CATSPER3: variants seen among roughly 807,000 people sequenced by gnomAD.
CATSPER3 encodes the protein cation channel sperm associated 3.
Under a neutral mutation model 36.6 loss-of-function variants are expected in CATSPER3, and 23 were observed. The observed-to-expected ratio is 0.63, with a 90% CI of 0.45 to 0.89. The LOEUF (loss-of-function observed/expected upper bound fraction) is 0.89. Among genes scored for constraint, CATSPER3 ranks in the 40% least tolerant of loss-of-function variants. The probability of loss-of-function intolerance (pLI) is 0.00; values close to 1 mark genes in which losing one functional copy is unlikely to be tolerated. For synonymous variants in CATSPER3, 172 were observed against 184.1 expected (o/e 0.93, Z 0.53); for missense variants, 474 against 503.9 (o/e 0.94, Z 0.57).
rs768508552 is a variant in CATSPER3 at position 135,011,533 on chromosome 5, G to A, written c.1107G>A (p.Leu369=). 6 of 1,613,580 alleles carry A rather than the reference G, an allele frequency of 3.7e-6. No homozygotes were observed. In the Admixed American group the frequency reaches 8.3e-5, roughly 22 times the overall value. ...CTCCATTTTTCAGGCTTCAAGAGCT[G>A]TACTATGAGATCGTGCATGTGCTGA... ...QDTTVHKLQE[L]YYEIVHVLSL... is the part of the protein sequence containing the mutation. Residue 369 remains leucine (L), a synonymous_variant, in exon 8 of 8, where the codon CTG becomes CTA. Coordinates refer to ENST00000282611, the MANE Select transcript of CATSPER3 (RefSeq NM_178019.3).
intron 3 of CATSPER3, among the ~76,000 whole-genome samples, chr5:134,997,216 G>A (rs972290732): frequency 1.3e-5 from 2 of 152,202 alleles, no homozygotes; most frequent in African/African-American, 2.4e-5. Context: ...CTGTCCTGCC[G>A]GAGGCTGCCC....
intron 3 of CATSPER3, among the ~76,000 whole-genome samples, chr5:135,001,269 C>G (rs868749899): frequency 6.6e-6 from 1 of 152,170 alleles, no homozygotes; most frequent in Non-Finnish European, 1.5e-5. Context: ...GTTTCTTAAT[C>G]CTGAGTTCTA....
At chr5:135,008,385 G>T (rs1752118532) in intron 4 of CATSPER3, among the ~76,000 whole-genome samples, 2 of 152,150 alleles carry the variant, frequency 1.3e-5, no homozygotes, top group Non-Finnish European at 1.5e-5. Context: ...ATCAAACTTT[G>T]CAGAGTCCTC....
At chr5:134,985,265 T>A (rs1166546664) in intron 2 of CATSPER3, among the ~76,000 whole-genome samples, 5 of 152,172 alleles carry the variant, frequency 3.3e-5, no homozygotes. Flanking sequence ...AACAAAAGAA[T>A]GTCTTTTGCA....
At chr5:134,990,606 T>TCTA (rs1751866984) in intron 2 of CATSPER3, among the ~76,000 whole-genome samples, 1 of 152,092 alleles carries the variant, frequency 6.6e-6, no homozygotes, top group Non-Finnish European at 1.5e-5. Context: ...TCATAACAGA[T>TCTA]ATAATAATAA....
Position 134,968,081 on chromosome 5 carries a change from G to T in CATSPER3, c.90G>T (p.Lys30Asn). Residue 30 changes from lysine to asparagine, a missense_variant, in exon 1 of 8, where the codon AAG (lysine) becomes AAT (asparagine). Physicochemically the swap from Lys to Asn is moderately conservative, Grantham distance 94. Coordinates refer to ENST00000282611, the MANE Select transcript of CATSPER3 (RefSeq NM_178019.3). ...TTSVGFCPTF[K>N]KFKRNDDECR... is the part of the protein sequence containing the mutation. ...CGGTGGGATTTTGCCCAACATTCAA[G>T]AAATTTAAGTAAATATTATCTATCT... The T allele has an allele frequency of 2.5e-6, 4 of 1,604,862 alleles. No homozygotes were observed. In the East Asian group the frequency reaches 6.7e-5, roughly 27 times the overall value.
At chr5:134,994,167 G>A (rs541092559) in intron 2 of CATSPER3, among the ~76,000 whole-genome samples, 9 of 152,218 alleles carry the variant, frequency 5.9e-5, no homozygotes, top group South Asian at 2.1e-4. Flanking sequence ...GTGATAAGTC[G>A]GTGTGGGAGA....
chr5:134,968,095 T>G lies in CATSPER3; in HGVS notation c.98+6T>G. ...CCAACATTCAAGAAATTTAAGTAAA[T>G]ATTATCTATCTCCATTGCCTGTTAA... On this transcript the variant is annotated splice_donor_region_variant and intron_variant, in intron 1 of 7. Coordinates refer to ENST00000282611, the MANE Select transcript of CATSPER3 (RefSeq NM_178019.3). 1 of 1,578,874 alleles carries G rather than the reference T, an allele frequency of 6.3e-7. No individual in the cohort carries two copies.
At position 134,981,213 on chromosome 5, in the gene CATSPER3, G is replaced by A. The variant is rs538799354; in HGVS notation, c.252+11121G>A. Among the ~76,000 whole-genome samples, 5 of 151,568 alleles carry A rather than the reference G, an allele frequency of 3.3e-5. No individual in the cohort carries two copies. The South Asian group carries it at 6.3e-4, about 19-fold the overall frequency. On this transcript the variant is annotated intron_variant, in intron 2 of 7. Coordinates refer to ENST00000282611, the MANE Select transcript of CATSPER3 (RefSeq NM_178019.3). ...ACATTTAAGAAAATCTCTGTTGGCC[G>A]GGCACAGTGGCTCATGTCTGTAGTC... is the stretch of plus-strand genomic sequence containing the variant.
At chr5:135,004,953 C>G (rs1349134938) in intron 3 of CATSPER3, among the ~76,000 whole-genome samples, 3 of 151,898 alleles carry the variant, frequency 2.0e-5, no homozygotes, top group Non-Finnish European at 4.4e-5. Context: ...TCAGGTGAGG[C>G]CAGGAGAGAG....
chr5:134,989,241 T>A (rs1751850813), intron 2 of CATSPER3, among the ~76,000 whole-genome samples: 1 of 152,164 alleles, frequency 6.6e-6, no homozygotes, highest in Non-Finnish European at 1.5e-5. Flanking sequence ...GCTCTAGGAT[T>A]TTTGGAATAG....
chr5:135,006,084 A>G (rs1752082469), intron 3 of CATSPER3, among the ~76,000 whole-genome samples: 1 of 152,226 alleles, frequency 6.6e-6, no homozygotes, highest in African/African-American at 2.4e-5. Flanking sequence ...CATGGGCCTC[A>G]AAACTTAGAA....
rs947664442 is a variant in CATSPER3 at position 135,002,053 on chromosome 5, A to G, written c.492+5541A>G. 1.5e-4 allele frequency among the ~76,000 whole-genome samples: 23 copies of G among 152,298 alleles called. No individual in the cohort carries two copies. The East Asian group carries it at 2.1e-3, about 14-fold the overall frequency. On this transcript the variant is annotated intron_variant, in intron 3 of 7. Coordinates refer to ENST00000282611, the MANE Select transcript of CATSPER3 (RefSeq NM_178019.3). The stretch of plus-strand genomic sequence containing the variant: ...TCGTTAGTTGATGCAGTTTCTTCCT[A>G]GCCTTGATGGTCTTTACAATTTGGC...
At chr5:135,007,651 G>T (rs1044847725) in intron 3 of CATSPER3, among the ~76,000 whole-genome samples, 4 of 152,250 alleles carry the variant, frequency 2.6e-5, no homozygotes, top group Non-Finnish European at 5.9e-5. Context: ...GCCAGGTTGG[G>T]GTTCAAGTGG....
At chr5:134,973,648 G>A (rs1186264880) in intron 2 of CATSPER3, among the ~76,000 whole-genome samples, 2 of 152,172 alleles carry the variant, frequency 1.3e-5, no homozygotes, top group African/African-American at 4.8e-5. Flanking sequence ...GAGACTATGT[G>A]AAGAGTCCTA....
intron 3 of CATSPER3, among the ~76,000 whole-genome samples, chr5:135,001,679 G>A (rs535470094): frequency 1.6e-3 from 251 of 152,288 alleles, no homozygotes; most frequent in Admixed American, 3.2e-3. Context: ...AGGATAGTTA[G>A]CTCTTCATGT....
chr5:135,001,968 G>A (rs1752025753), intron 3 of CATSPER3, among the ~76,000 whole-genome samples: 1 of 152,070 alleles, frequency 6.6e-6, no homozygotes, highest in African/African-American at 2.4e-5. Context: ...TTACATTTAA[G>A]GTTAATATTG....
intron 2 of CATSPER3, among the ~76,000 whole-genome samples, chr5:134,993,747 CATT>C (rs1410586065): frequency 6.6e-6 from 1 of 152,086 alleles, no homozygotes; most frequent in Non-Finnish European, 1.5e-5. Context: ...GGCTATAAAG[CATT>C]GTCTTAGTTT....
chr5:134,995,193 G>A (rs1269922509), intron 2 of CATSPER3, among the ~76,000 whole-genome samples: 2 of 151,686 alleles, frequency 1.3e-5, no homozygotes, highest in Non-Finnish European at 2.9e-5. Context: ...ATAGATTGAT[G>A]TTAACTATAG....
Sources: allele counts gnomAD v4.1 joint callset (sites outside exome capture counted in the v4.1 genomes callset), GRCh38; gene constraint gnomAD v4.1.1; transcripts MANE v1.5; gene names NCBI Gene and HGNC (gene_info 2026-07-23, HGNC 2026-07-21).